The following PDZK1 variants were observed in gnomAD, a reference collection of about 807,000 sequenced individuals.
The protein encoded by PDZK1 is Na(+)/H(+) exchange regulatory cofactor NHE-RF3.
PDZK1 carries 23 observed loss-of-function variants against 38.1 expected under a neutral mutation model. The observed-to-expected ratio is 0.60, with a 90% confidence interval of 0.43 to 0.85. PDZK1 has a LOEUF of 0.85. Ranked by LOEUF, PDZK1 falls within the 40% of genes least tolerant of loss-of-function variation. The pLI, the probability that PDZK1 is intolerant of heterozygous loss-of-function variation, is 0.00. For synonymous variants in PDZK1, 98 were observed against 186.2 expected, an observed-to-expected ratio of 0.53 and a Z score of 3.86; for missense variants, 297 against 504.3, an observed-to-expected ratio of 0.59 and a Z score of 3.94.
intron 1 of PDZK1, among the ~76,000 whole-genome samples, chr1:145,698,918 G>A (rs183282649): frequency 2.7e-5 from 4 of 149,596 alleles, no homozygotes; most frequent in East Asian, 2.0e-4. Flanking sequence ...CAGCCTGGGC[G>A]ACAGAACGAG....
At chr1:145,674,141 G>T in intron 6 of PDZK1, 1 of 981,870 alleles carries the variant, frequency 1.0e-6, no homozygotes, top group Non-Finnish European at 1.2e-6. Context: ...TGCGGTACAA[G>T]GATCCCAAAA....
At chr1:145,687,240 C>T (rs1239454478) in intron 2 of PDZK1, among the ~76,000 whole-genome samples, 1 of 151,898 alleles carries the variant, frequency 6.6e-6, no homozygotes, top group Non-Finnish European at 1.5e-5. Context: ...AAATTGCTGG[C>T]CGAGCGTGGT....
chr1:145,704,158 C>T (rs1012596510), intron 1 of PDZK1, among the ~76,000 whole-genome samples: 1 of 152,152 alleles, frequency 6.6e-6, no homozygotes, highest in Non-Finnish European at 1.5e-5. Flanking sequence ...GCAGGCACCA[C>T]AGCCCCTTTC....
intron 1 of PDZK1, among the ~76,000 whole-genome samples, chr1:145,694,320 C>G (rs1222038203): frequency 2.0e-5 from 3 of 152,182 alleles, no homozygotes; most frequent in African/African-American, 4.8e-5. Flanking sequence ...CTCCACAGTT[C>G]TTTGCTCCCT....
intron 1 of PDZK1, among the ~76,000 whole-genome samples, chr1:145,697,331 G>GGGAA (rs1217959853): frequency 1.3e-5 from 2 of 151,350 alleles, no homozygotes; most frequent in Non-Finnish European, 2.9e-5. Flanking sequence ...ACAGAAAGGA[G>GGGAA]GGAAGGAAGG....
At chr1:145,699,853 G>A (rs1426147030) in intron 1 of PDZK1, among the ~76,000 whole-genome samples, 1 of 152,102 alleles carries the variant, frequency 6.6e-6, no homozygotes, top group African/African-American at 2.4e-5. Flanking sequence ...TAAGAACATG[G>A]GTGAGTTCCT....
intron 6 of PDZK1, among the ~76,000 whole-genome samples, chr1:145,677,921 A>T (rs1653858799): frequency 7.0e-6 from 1 of 143,368 alleles, no homozygotes; most frequent in Non-Finnish European, 1.5e-5. Flanking sequence ...AAAAAAAAAA[A>T]AAAAAAAAAA....
At chr1:145,699,777 G>A (rs1052684392) in intron 1 of PDZK1, among the ~76,000 whole-genome samples, 4 of 152,208 alleles carry the variant, frequency 2.6e-5, no homozygotes, top group Non-Finnish European at 4.4e-5. Flanking sequence ...GTAAGGTAGA[G>A]TAGAAAGAGC....
chr1:145,698,672 T>TA (rs1655774577), intron 1 of PDZK1, among the ~76,000 whole-genome samples: 1 of 152,114 alleles, frequency 6.6e-6, no homozygotes, highest in African/African-American at 2.4e-5. Context: ...CTCACACCTA[T>TA]AATCCCAGCA....
chr1:145,684,131 G>A (rs1412688239), intron 3 of PDZK1, among the ~76,000 whole-genome samples: 1 of 151,108 alleles, frequency 6.6e-6, no homozygotes, highest in Non-Finnish European at 1.5e-5. Context: ...ACAGATATGA[G>A]CCACTGTGCC....
At chr1:145,679,993 G>T (rs1654077175) in intron 5 of PDZK1, among the ~76,000 whole-genome samples, 2 of 152,064 alleles carry the variant, frequency 1.3e-5, no homozygotes, top group African/African-American at 4.8e-5. Context: ...TCCCAGCTCT[G>T]TCTACTTTCC....
chr1:145,702,801 G>A (rs1553705181), intron 1 of PDZK1, among the ~76,000 whole-genome samples: 2 of 152,180 alleles, frequency 1.3e-5, no homozygotes, highest in Admixed American at 1.3e-4. Context: ...GCTGAGGTAG[G>A]GGAATGGTGT....
intron 1 of PDZK1, among the ~76,000 whole-genome samples, chr1:145,698,807 C>T (rs1434983372): frequency 6.6e-6 from 1 of 151,996 alleles, no homozygotes; most frequent in Non-Finnish European, 1.5e-5. Context: ...TGGCAGGCAC[C>T]TATAACCCCA....
intron 1 of PDZK1, 95 bp from the exon 2 acceptor site, chr1:145,688,118 A>G: frequency 9.4e-7 from 1 of 1,061,938 alleles, no homozygotes; most frequent in Admixed American, 1.8e-5. Context: ...CTGTTCTTCC[A>G]ATCACCAAAT....
chr1:145,676,354 C>A (rs1411786360), intron 6 of PDZK1: 8 of 163,390 alleles, frequency 4.9e-5, no homozygotes, highest in Non-Finnish European at 1.0e-4. Flanking sequence ...AATGACTCAT[C>A]ATTTCTGGCA....
At chr1:145,688,509 G>A (rs927470260) in intron 1 of PDZK1, among the ~76,000 whole-genome samples, 5 of 152,276 alleles carry the variant, frequency 3.3e-5, no homozygotes, top group Middle Eastern at 3.4e-3. Context: ...GTGTCATGCT[G>A]GGGAAGAATG....
At chr1:145,681,730 AAAG>A (rs1250153698) in intron 4 of PDZK1, among the ~76,000 whole-genome samples, 1 of 119,906 alleles carries the variant, frequency 8.3e-6, no homozygotes, top group African/African-American at 3.7e-5. Flanking sequence ...TTGGAAAAGA[AAAG>A]AAAGTAAGGG....
At chr1:145,697,114 GGTTAGGA>G (rs1352318054) in intron 1 of PDZK1, among the ~76,000 whole-genome samples, 43 of 152,284 alleles carry the variant, frequency 2.8e-4, no homozygotes, top group Non-Finnish European at 5.1e-4. Flanking sequence ...GATCATTTGA[GGTTAGGA>G]GTTCAAGACC....
At chr1:145,688,128 T>C in intron 1 of PDZK1, 105 bp from the exon 2 acceptor site, 1 of 964,746 alleles carries the variant, frequency 1.0e-6, no homozygotes, top group South Asian at 1.4e-5. Flanking sequence ...AATCACCAAA[T>C]CTAGACTGCT....
Sources: gnomAD v4.1 joint callset for allele counts (sites outside exome capture counted in the v4.1 genomes callset) on GRCh38, gnomAD v4.1.1 for gene constraint, MANE v1.5 for transcripts, NCBI Gene and HGNC (gene_info 2026-07-23, HGNC 2026-07-21) for gene names.